Variants in KLHL6 observed in about 807,000 individuals in gnomAD.
KLHL6 encodes the protein kelch-like protein 6.
KLHL6 carries 41 observed loss-of-function variants against 58.6 expected under a neutral mutation model. The ratio of observed to expected loss-of-function variants is 0.70; its 90% CI spans 0.55 to 0.91. KLHL6 has a LOEUF of 0.91. KLHL6 is among the 40% of genes least tolerant of loss of function. The pLI, the probability that KLHL6 is intolerant of heterozygous loss-of-function variation, is 0.00. For synonymous variants in KLHL6, 338 were observed against 322.7 expected (o/e 1.05, Z -0.51); for missense variants, 714 against 805.6 (o/e 0.89, Z 1.38).
At chr3:183,547,184 A>G (rs193081530) in intron 1 of KLHL6, among the ~76,000 whole-genome samples, 214 of 152,292 alleles carry the variant, frequency 1.4e-3, no homozygotes, top group Non-Finnish European at 9.0e-4. Context: ...AAGTGCTGGG[A>G]TTACAGGAGT....
At chr3:183,540,782 C>T (rs79322885) in intron 1 of KLHL6, among the ~76,000 whole-genome samples, 3,139 of 152,292 alleles carry the variant, frequency 0.021, 109 homozygotes, top group African/African-American at 0.072. Context: ...CCTTTGTCTG[C>T]TTTTGTTTTT....
At chr3:183,509,421 A>G (rs529335807) in intron 2 of KLHL6, among the ~76,000 whole-genome samples, 1 of 152,384 alleles carries the variant, frequency 6.6e-6, no homozygotes, top group South Asian at 2.1e-4. Flanking sequence ...TAAAGAAAAC[A>G]TACACAGAAT....
At position 183,499,798 on chromosome 3, in the gene KLHL6, C is replaced by A. The variant is rs144110462; in HGVS notation, c.939G>T (p.Met313Ile). ...EIISERTKPR[M>I]HEFQSEVFMI... is the part of the protein sequence containing the mutation. ...TGAACACCTCAGACTGGAACTCATG[C>A]ATCCTGGGCTTGGTGCGTTCCGAAA... Residue 313 changes from methionine (M) to isoleucine (I), a missense_variant, in exon 4 of 7, where the codon ATG becomes ATT. Met to Ile is a conservative substitution (Grantham distance 10). Transcript: ENST00000341319. This position sits in a 1 kb window ranked among gnomAD's most constrained non-coding sequence, Gnocchi z 4.6. 702 of 1,598,992 alleles carry A rather than the reference C, an allele frequency of 4.4e-4. 1 individual carries two copies. Among genetic ancestry groups the A allele is most frequent in the Non-Finnish European group, 5.5e-4 (648 of 1,172,814 alleles).
At chr3:183,514,966 G>A (rs952908525) in intron 2 of KLHL6, among the ~76,000 whole-genome samples, 2 of 152,058 alleles carry the variant, frequency 1.3e-5, no homozygotes, top group South Asian at 2.1e-4. Context: ...CACCATGCCC[G>A]GCCAGGGCTA....
At chr3:183,529,337 T>TA (rs1482480468) in intron 1 of KLHL6, among the ~76,000 whole-genome samples, 3 of 152,120 alleles carry the variant, frequency 2.0e-5, no homozygotes, top group Admixed American at 1.3e-4. Flanking sequence ...TTTTTTTTTT[T>TA]ACCCCATGCC....
chr3:183,502,246 GAGCC>G (rs1254358588), intron 3 of KLHL6, among the ~76,000 whole-genome samples: 1 of 151,482 alleles, frequency 6.6e-6, no homozygotes, highest in South Asian at 2.1e-4. Context: ...AGGGTGCAGT[GAGCC>G]AACGTCGCAG....
At chr3:183,506,695 G>A (rs757064154) in intron 3 of KLHL6, among the ~76,000 whole-genome samples, 1 of 152,008 alleles carries the variant, frequency 6.6e-6, no homozygotes, top group Non-Finnish European at 1.5e-5. Flanking sequence ...GGGTGTGGTA[G>A]CACATGCCTG....
chr3:183,535,620 G>A (rs1472412499), intron 1 of KLHL6, among the ~76,000 whole-genome samples: 1 of 152,178 alleles, frequency 6.6e-6, no homozygotes, highest in East Asian at 1.9e-4. Context: ...GGTTGAATCT[G>A]TATAATCAAG....
At chr3:183,509,671 A>T (rs1718122715) in intron 2 of KLHL6, among the ~76,000 whole-genome samples, 2 of 152,168 alleles carry the variant, frequency 1.3e-5, no homozygotes, top group African/African-American at 2.4e-5. Context: ...CAGAAGGGGA[A>T]AAAGATGGCA....
At chr3:183,510,675 G>A (rs1718156732) in intron 2 of KLHL6, among the ~76,000 whole-genome samples, 1 of 152,094 alleles carries the variant, frequency 6.6e-6, no homozygotes, top group South Asian at 2.1e-4. Context: ...AGGAGTTGGA[G>A]ACCAGCCTGA....
In KLHL6 at chr3:183,492,150, C is replaced by T. The variant is rs1243875926; in HGVS notation, c.1643G>A (p.Arg548Gln). 1.2e-6 allele frequency: 2 copies of T among 1,613,438 alleles called. No homozygotes were observed. Among genetic ancestry groups the T allele is most frequent in the African/African-American group, 1.3e-5 (1 of 74,950 alleles). Residue 548 changes from arginine (R) to glutamine (Q), a missense_variant, in exon 7 of 7, where the codon CGG becomes CAG. Physicochemically the swap from Arg to Gln is conservative, Grantham distance 43. Around this residue, in one of 2 missense-constraint regions of KLHL6, gnomAD observed 510 missense variants for 629.7 expected, o/e 0.81. Coordinates refer to ENST00000341319, the MANE Select transcript of KLHL6 (RefSeq NM_130446.4). The surrounding 1 kb of genome is among the most constrained non-coding windows in gnomAD (Gnocchi z 5.9). ...GCAGGGCGCGATACCGCAGCTGGCC[C>T]GCTCGTGGCTGAGCTGGGTCACCAG... ...WCLVTQLSHE[R>Q]ASCGIAPCNN...
chr3:183,531,532 C>T (rs1172918428), intron 1 of KLHL6, among the ~76,000 whole-genome samples: 4 of 140,358 alleles, frequency 2.8e-5, no homozygotes, highest in Non-Finnish European at 6.1e-5. Context: ...TCACTGCAAA[C>T]TCCACCTCCC....
At chr3:183,551,432 C>T (rs1712912773) in intron 1 of KLHL6, among the ~76,000 whole-genome samples, 3 of 151,990 alleles carry the variant, frequency 2.0e-5, no homozygotes, top group Non-Finnish European at 4.4e-5. Context: ...CAAAAGACAC[C>T]CCAAAACAAA....
At position 183,499,238 on chromosome 3, in the gene KLHL6, C is replaced by G. The variant is rs919130851; in HGVS notation, c.1147+352G>C. ...GCACCTGATTGTAATCCCAGCTACT[C>G]GGGAGGGTGAGGCAGGAGGGTCACT... On this transcript the variant is annotated intron_variant, in intron 4 of 6. Transcript: ENST00000341319. The surrounding 1 kb of genome is among the most constrained non-coding windows in gnomAD (Gnocchi z 4.6). Among the ~76,000 whole-genome samples the G allele has an allele frequency of 6.6e-6, 1 of 151,852 alleles. No homozygotes were observed. The highest frequency in any genetic ancestry group is 2.4e-5 in the African/African-American group (1 of 41,348).
At chr3:183,524,703 G>A (rs1041729340) in intron 2 of KLHL6, among the ~76,000 whole-genome samples, 1 of 152,158 alleles carries the variant, frequency 6.6e-6, no homozygotes, top group Non-Finnish European at 1.5e-5. Flanking sequence ...GCAATTGGTG[G>A]GTAACAGGAA....
rs943217256 is a variant in KLHL6, at chr3:183,510,911, C to T, written c.460-2403G>A. Reference sequence around the variant, plus strand: ...TAAATAAATAAATAAAGCATTTCTCCGAGGGTCAATGCTGAAGGGGGCCAG... The same window carrying T: ...TAAATAAATAAATAAAGCATTTCTCTGAGGGTCAATGCTGAAGGGGGCCAG... On this transcript the variant is annotated intron_variant, in intron 2 of 6. Coordinates refer to ENST00000341319, the MANE Select transcript of KLHL6 (RefSeq NM_130446.4). 7.0e-5 allele frequency among the ~76,000 whole-genome samples: 6 copies of T among 85,750 alleles called. No individual in the cohort carries two copies. In the East Asian group the frequency reaches 9.2e-4, roughly 13 times the overall value. The allele number at this position is 85,750 out of a possible 152,430, so 56.3% of individuals were successfully genotyped here.
At chr3:183,525,739 G>T (rs1239170007) in intron 2 of KLHL6, among the ~76,000 whole-genome samples, 2 of 152,214 alleles carry the variant, frequency 1.3e-5, no homozygotes, top group African/African-American at 4.8e-5. Flanking sequence ...ATATCATGCT[G>T]CCATTGAGAA....
chr3:183,540,641 C>T (rs1168107917), intron 1 of KLHL6, among the ~76,000 whole-genome samples: 1 of 152,116 alleles, frequency 6.6e-6, no homozygotes, highest in Admixed American at 6.5e-5. Context: ...TGGCCTCAAG[C>T]AATCCTCCCA....
At chr3:183,518,699 T>C (rs578008888) in intron 2 of KLHL6, among the ~76,000 whole-genome samples, 1 of 152,308 alleles carries the variant, frequency 6.6e-6, no homozygotes, top group African/African-American at 2.4e-5. Context: ...ACTAGAGAAG[T>C]GGTTTTGAAA....
Sources: allele counts gnomAD v4.1 joint callset (sites outside exome capture counted in the v4.1 genomes callset), GRCh38; gene constraint gnomAD v4.1.1; regional missense constraint gnomAD v4.1.1; non-coding constraint Gnocchi (gnomAD v3.1); transcripts MANE v1.5; gene names NCBI Gene and HGNC (gene_info 2026-07-23, HGNC 2026-07-21).